PRKCH: variants seen among roughly 807,000 people sequenced by gnomAD.
The protein encoded by PRKCH is protein kinase C eta.
PRKCH carries 28 observed loss-of-function variants against 82.5 expected under a neutral mutation model. The ratio of observed to expected loss-of-function variants is 0.34; its 90% CI spans 0.25 to 0.47. The LOEUF is 0.47. Among genes scored for constraint, PRKCH ranks in the 20% least tolerant of loss-of-function variants. The pLI is 1.00. For missense variants in PRKCH, 705 were observed against 881.8 expected (o/e 0.80, Z 2.54); for synonymous variants, 322 against 327.4 (o/e 0.98, Z 0.18).
At chr14:61,430,877 C>A (rs980123447) in intron 2 of PRKCH, among the ~76,000 whole-genome samples, 1 of 152,078 alleles carries the variant, frequency 6.6e-6, no homozygotes, top group African/African-American at 2.4e-5. Context: ...GCCTCAGCCT[C>A]CCGAGTAGCT....
Position 61,517,510 on chromosome 14 carries a change from ATGACAGCTCGGG to A in PRKCH, c.1434-11562_1434-11551del, listed in dbSNP as rs1640776681. Among the ~76,000 whole-genome samples the A allele has an allele frequency of 2.0e-5, 3 of 152,170 alleles. No individual in the cohort carries two copies. In the South Asian group the frequency reaches 6.2e-4, roughly 32 times the overall value. On this transcript the variant is annotated intron_variant, in intron 10 of 13. Transcript: ENST00000332981. ...ATTACTCTTTGCTCTGTGTATTTGT[ATGACAGCTCGGG>A]TGTCTGGCTTACCTTCCTGAGGATG... is the stretch of plus-strand genomic sequence containing the variant.
chr14:61,496,313 G>A (rs1951960), intron 10 of PRKCH, among the ~76,000 whole-genome samples: 142,806 of 152,240 alleles, frequency 0.94, 67,631 homozygotes, highest in East Asian at 1. Context: ...TCCTATATTT[G>A]AGGCTCTGGG....
chr14:61,515,218 T>G (rs17098661), intron 10 of PRKCH, among the ~76,000 whole-genome samples: 4,402 of 152,314 alleles, frequency 0.029, 193 homozygotes, highest in East Asian at 0.13. Flanking sequence ...TTTATTTGAT[T>G]ACGTTGTGAA....
intron 1 of PRKCH, among the ~76,000 whole-genome samples, chr14:61,293,528 T>A (rs943308564): frequency 6.6e-6 from 1 of 152,218 alleles, no homozygotes; most frequent in African/African-American, 2.4e-5. Flanking sequence ...TCTGTCCAGC[T>A]TGTACAAACG....
intron 1 of PRKCH, among the ~76,000 whole-genome samples, chr14:61,202,852 G>A (rs924475060): frequency 6.6e-6 from 1 of 151,830 alleles, no homozygotes; most frequent in African/African-American, 2.4e-5. Context: ...TTGTTATATT[G>A]ATGAGCCAAT....
chr14:61,520,985 A>T (rs1034905689), intron 10 of PRKCH, among the ~76,000 whole-genome samples: 1 of 152,250 alleles, frequency 6.6e-6, no homozygotes, highest in Non-Finnish European at 1.5e-5. Flanking sequence ...CCAAATGTTT[A>T]TGTAGAGGAA....
At chr14:61,191,888 A>G (rs1199642731) in intron 1 of PRKCH, among the ~76,000 whole-genome samples, 1 of 152,178 alleles carries the variant, frequency 6.6e-6, no homozygotes, top group Non-Finnish European at 1.5e-5. Flanking sequence ...CTTAGTTTAC[A>G]AGCTCATACG....
At chr14:61,439,949 G>T (rs1474670852) in intron 2 of PRKCH, among the ~76,000 whole-genome samples, 1 of 152,192 alleles carries the variant, frequency 6.6e-6, no homozygotes, top group Non-Finnish European at 1.5e-5. Context: ...ATGCAAGTGG[G>T]CTGGTCTTTT....
At chr14:61,476,495 C>G (rs1885735982) in intron 9 of PRKCH, 1 of 152,200 alleles carries the variant, frequency 6.6e-6, no homozygotes, top group Non-Finnish European at 1.5e-5. Flanking sequence ...TATGTTACCA[C>G]TTATTTATGC....
In PRKCH at chr14:61,321,734, G is replaced by C; in HGVS notation, c.-368G>C. 5.8e-6 allele frequency: 1 copy of C among 173,700 alleles called. No homozygotes were observed. Among genetic ancestry groups the C allele is most frequent in the South Asian group, 1.6e-4 (1 of 6,354 alleles). The allele number at this position is 173,700 out of a possible 1,614,324, so 10.8% of individuals were successfully genotyped here. On this transcript the variant is annotated 5_prime_UTR_variant, in exon 1 of 14. Coordinates refer to ENST00000332981, the MANE Select transcript of PRKCH (RefSeq NM_006255.5). This position sits in a 1 kb window ranked among gnomAD's most constrained non-coding sequence, Gnocchi z 4.1. ...GGAGGCGGGGGAAGAGACGCTTGGGGCTGGGGCTCACCGGACGGGTAGGTC... is the reference window on the plus strand; with the variant it reads ...GGAGGCGGGGGAAGAGACGCTTGGGCCTGGGGCTCACCGGACGGGTAGGTC...
At chr14:61,535,711 A>G (rs1167101478) in intron 12 of PRKCH, among the ~76,000 whole-genome samples, 3 of 152,260 alleles carry the variant, frequency 2.0e-5, no homozygotes, top group Non-Finnish European at 2.9e-5. Context: ...TGATGCAATC[A>G]CTACTTCATG....
chr14:61,451,457 G>A (rs1398394537), intron 6 of PRKCH, among the ~76,000 whole-genome samples: 1 of 152,234 alleles, frequency 6.6e-6, no homozygotes, highest in East Asian at 1.9e-4. Flanking sequence ...GAAATCAGCA[G>A]GAATGGAGTT....
chr14:61,321,767 C>G lies in PRKCH; in HGVS notation c.-335C>G, dbSNP rs900154784. ...TCACCGGACGGGTAGGTCCGGCTCT[C>G]CAGGGAGAGGAGCTGCCCGGCCCTG... On this transcript the variant is annotated 5_prime_UTR_variant, in exon 1 of 14. Transcript: ENST00000332981. This position sits in a 1 kb window ranked among gnomAD's most constrained non-coding sequence, Gnocchi z 4.1. 4 of 212,890 alleles carry G rather than the reference C, an allele frequency of 1.9e-5. No individual in the cohort carries two copies. Among genetic ancestry groups the G allele is most frequent in the Non-Finnish European group, 2.8e-5 (3 of 106,162 alleles). The allele number at this position is 212,890 out of a possible 1,614,324, so 13.2% of individuals were successfully genotyped here.
At chr14:61,547,657 C>T in intron 12 of PRKCH, 86 bp from the exon 13 acceptor site, 1 of 1,506,818 alleles carries the variant, frequency 6.6e-7, no homozygotes, top group Non-Finnish European at 8.9e-7. Flanking sequence ...TCGCACAGCT[C>T]CTCTGCCATG....
chr14:61,315,440 T>C (rs2045554851), intron 1 of PRKCH, among the ~76,000 whole-genome samples: 1 of 152,198 alleles, frequency 6.6e-6, no homozygotes, highest in African/African-American at 2.4e-5. Flanking sequence ...ACATTTCATT[T>C]GGTTGTCATG....
chr14:61,439,642 T>C (rs140281158), intron 2 of PRKCH, among the ~76,000 whole-genome samples: 1 of 147,996 alleles, frequency 6.8e-6, no homozygotes, highest in Non-Finnish European at 1.5e-5. Flanking sequence ...ATGTCACCGG[T>C]GCACTCCCAG....
intron 10 of PRKCH, among the ~76,000 whole-genome samples, chr14:61,485,890 T>C (rs1886198065): frequency 1.3e-5 from 2 of 152,166 alleles, no homozygotes; most frequent in Admixed American, 6.5e-5. Context: ...CCCAAGTAGA[T>C]AGCTGGGACT....
chr14:61,258,580 T>C (rs1290185065), intron 1 of PRKCH, among the ~76,000 whole-genome samples: 1 of 152,222 alleles, frequency 6.6e-6, no homozygotes, highest in Non-Finnish European at 1.5e-5. Context: ...ATTACTTTCC[T>C]ACATCAAATA....
chr14:61,332,017 C>T (rs2045795235), intron 1 of PRKCH, among the ~76,000 whole-genome samples: 2 of 152,226 alleles, frequency 1.3e-5, no homozygotes, highest in South Asian at 4.1e-4. Flanking sequence ...TATGCTAACG[C>T]ACTCCTTGTT....
Sources: allele counts gnomAD v4.1 joint callset (sites outside exome capture counted in the v4.1 genomes callset), GRCh38; gene constraint gnomAD v4.1.1; non-coding constraint Gnocchi (gnomAD v3.1); transcripts MANE v1.5; gene names NCBI Gene and HGNC (gene_info 2026-07-23, HGNC 2026-07-21).